Variants in INHBC observed in about 807,000 individuals in gnomAD.
INHBC encodes the protein inhibin subunit beta C.
A neutral mutation model predicts 12.4 loss-of-function variants in INHBC; 10 were observed. The ratio of observed to expected loss-of-function variants is 0.81; its 90% CI spans 0.50 to 1.37. INHBC has a LOEUF of 1.37. Among genes scored for constraint, INHBC ranks in the 40% most tolerant of loss-of-function variants. INHBC has a pLI of 0.00. For missense variants in INHBC, 382 were observed against 439.4 expected, an observed-to-expected ratio of 0.87 and a Z score of 1.17; for synonymous variants, 147 against 171.6, an observed-to-expected ratio of 0.86 and a Z score of 1.12.
chr12:57,449,140 A>C (rs1870649105), intron 1 of INHBC, 137 bp from the exon 2 acceptor site: 3 of 1,150,960 alleles, frequency 2.6e-6, no homozygotes, highest in Admixed American at 4.6e-5. Flanking sequence ...TTTCCAGCAC[A>C]TGAACTTTGG....
chr12:57,443,172 C>T (rs1195886026), intron 1 of INHBC, among the ~76,000 whole-genome samples: 21 of 118,130 alleles, frequency 1.8e-4, no homozygotes, highest in Admixed American at 1.4e-3. Context: ...TGCTGGAGTG[C>T]AGTGGTGCGA....
chr12:57,440,509 T>A (rs1870441531), intron 1 of INHBC, among the ~76,000 whole-genome samples: 1 of 152,100 alleles, frequency 6.6e-6, no homozygotes, highest in Non-Finnish European at 1.5e-5. Flanking sequence ...ATTTTCGTAT[T>A]TTTAGTAGAG....
At chr12:57,441,655 A>G (rs1436169891) in intron 1 of INHBC, among the ~76,000 whole-genome samples, 1 of 151,068 alleles carries the variant, frequency 6.6e-6, no homozygotes. Context: ...ATAGAGGCTT[A>G]AAACAACACA....
At chr12:57,441,390 T>C (rs965580985) in intron 1 of INHBC, among the ~76,000 whole-genome samples, 33 of 135,120 alleles carry the variant, frequency 2.4e-4, no homozygotes, top group Non-Finnish European at 3.6e-4. Flanking sequence ...CCAGGTGTGG[T>C]GGTACATGCC....
chr12:57,447,918 TATATAA>T lies in INHBC; in HGVS notation c.314-1357_314-1352del, dbSNP rs1261285649. ...ATATATATATATATATATATATATA[TATATAA>T]AATATATGTGTGTGTGCTTGTGTTT... On this transcript the variant is annotated intron_variant, in intron 1 of 1. Coordinates refer to ENST00000309668, the MANE Select transcript of INHBC (RefSeq NM_005538.4). Among the ~76,000 whole-genome samples the T allele has an allele frequency of 4.4e-3, 430 of 97,770 alleles. 3 individuals are homozygous for T. The highest frequency in any genetic ancestry group is 5.8e-3 in the Non-Finnish European group (289 of 50,010). 64.1% of individuals were successfully genotyped at this position (97,770 alleles called of 152,430 possible).
chr12:57,440,628 G>C (rs950600034), intron 1 of INHBC, among the ~76,000 whole-genome samples: 8 of 152,050 alleles, frequency 5.3e-5, no homozygotes, highest in Admixed American at 5.3e-4. Flanking sequence ...ACCGCACCCA[G>C]CCACAGTTCC....
At chr12:57,446,480 ATT>A (rs1870581091) in intron 1 of INHBC, among the ~76,000 whole-genome samples, 1 of 148,610 alleles carries the variant, frequency 6.7e-6, no homozygotes, top group Non-Finnish European at 1.5e-5. Flanking sequence ...TTATTTATTT[ATT>A]TATTTATTTA....
intron 1 of INHBC, among the ~76,000 whole-genome samples, chr12:57,443,199 C>T (rs1365567484): frequency 7.5e-6 from 1 of 133,808 alleles, no homozygotes; most frequent in Non-Finnish European, 1.5e-5. Flanking sequence ...CTCACTGCAA[C>T]CTCTGCCTCC....
At chr12:57,436,372 C>T (rs1198803326) in intron 1 of INHBC, among the ~76,000 whole-genome samples, 4 of 151,162 alleles carry the variant, frequency 2.6e-5, no homozygotes, top group Admixed American at 6.6e-5. Flanking sequence ...ACTATGTTGG[C>T]CACGCTGGTC....
In INHBC at chr12:57,451,902, G is replaced by A. The variant is rs1870719832; in HGVS notation, c.*1880G>A. On this transcript the variant is annotated 3_prime_UTR_variant, in exon 2 of 2. Coordinates refer to ENST00000309668, the MANE Select transcript of INHBC (RefSeq NM_005538.4). Reference sequence around the variant, plus strand: ...AGGGCTAGGACTGGGGTAAAGCAAAGTGAGTCATTCACCTGGGGGGGCTAA... The same window carrying A: ...AGGGCTAGGACTGGGGTAAAGCAAAATGAGTCATTCACCTGGGGGGGCTAA... 1 of 453,358 alleles carries A rather than the reference G, an allele frequency of 2.2e-6. No homozygotes were observed. The highest frequency in any genetic ancestry group is 2.0e-5 in the African/African-American group (1 of 49,950). 28.1% of individuals were successfully genotyped at this position (453,358 alleles called of 1,614,324 possible).
At chr12:57,441,211 A>G (rs969048810) in intron 1 of INHBC, among the ~76,000 whole-genome samples, 2 of 152,104 alleles carry the variant, frequency 1.3e-5, no homozygotes, top group Non-Finnish European at 2.9e-5. Context: ...AAAATTAGCC[A>G]GGTGTGGTGG....
intron 1 of INHBC, among the ~76,000 whole-genome samples, chr12:57,445,136 T>C (rs1441170786): frequency 6.6e-6 from 1 of 152,220 alleles, no homozygotes; most frequent in Non-Finnish European, 1.5e-5. Flanking sequence ...GAGATAGCTT[T>C]ATGTTTGGTG....
rs1298585564 is a variant in INHBC, at chr12:57,450,349, A to T, written c.*327A>T. 4.6e-6 allele frequency: 1 copy of T among 215,118 alleles called. No homozygotes were observed. The highest frequency in any genetic ancestry group is 5.7e-5 in the Admixed American group (1 of 17,482). The allele number at this position is 215,118 out of a possible 1,614,324, so 13.3% of individuals were successfully genotyped here. A position where few individuals can be genotyped will look rare whatever the true frequency, so the allele number is the denominator to read the frequency against. On this transcript the variant is annotated 3_prime_UTR_variant, in exon 2 of 2. Coordinates refer to ENST00000309668, the MANE Select transcript of INHBC (RefSeq NM_005538.4). ...TCCCAGGCAAAGACACCCTTAGCTC[A>T]CCTTTAATAGACCCCATAACCCACT...
At position 57,450,867 on chromosome 12, in the gene INHBC, C is replaced by T. The variant is rs897363754; in HGVS notation, c.*845C>T. The T allele has an allele frequency of 4.6e-5, 7 of 152,266 alleles. No homozygotes were observed. The highest frequency in any genetic ancestry group is 1.0e-4 in the Non-Finnish European group (7 of 68,090). The allele number at this position is 152,266 out of a possible 1,614,324, so 9.4% of individuals were successfully genotyped here. A position where few individuals can be genotyped will look rare whatever the true frequency, so the allele number is the denominator to read the frequency against. ...CTAGGGGGTCCTAAAGGCTTTCTATCTTGCTAGTCCCTGGGGCCTCAACAT... is the reference window on the plus strand; with the variant it reads ...CTAGGGGGTCCTAAAGGCTTTCTATTTTGCTAGTCCCTGGGGCCTCAACAT... On this transcript the variant is annotated 3_prime_UTR_variant, in exon 2 of 2. Coordinates refer to ENST00000309668, the MANE Select transcript of INHBC (RefSeq NM_005538.4).
Position 57,434,871 on chromosome 12 carries a change from A to G in INHBC, c.-16A>G, listed in dbSNP as rs1275062856. 4 of 1,597,584 alleles carry G rather than the reference A, an allele frequency of 2.5e-6. No individual in the cohort carries two copies. The South Asian group carries it at 4.5e-5, about 18-fold the overall frequency. On this transcript the variant is annotated 5_prime_UTR_variant, in exon 1 of 2. Transcript: ENST00000309668. Reference sequence around the variant, plus strand: ...AGCCCTGAGTCTGTATTGCTCAAGAAGGGCCTTCCCCAGCAATGACCTCCT... The same window carrying G: ...AGCCCTGAGTCTGTATTGCTCAAGAGGGGCCTTCCCCAGCAATGACCTCCT...
Position 57,449,620 on chromosome 12 carries a change from T to C in INHBC, c.657T>C (p.Pro219=). ...SVILGGAAHR[P]FVAARVRVGG... The stretch of plus-strand genomic sequence containing the variant: ...TCCTGGGTGGAGCTGCCCATAGGCC[T>C]TTTGTGGCAGCCCGGGTGAGAGTTG... The change falls in exon 2 of 2, where the codon CCT becomes CCC. Residue 219 remains proline, a synonymous_variant. Transcript: ENST00000309668. 6.2e-7 allele frequency: 1 copy of C among 1,614,218 alleles called. No homozygotes were observed. The highest frequency in any genetic ancestry group is 1.1e-5 in the South Asian group (1 of 91,088).
chr12:57,449,304 T>C lies in INHBC; in HGVS notation c.341T>C (p.Leu114Pro), dbSNP rs543094737. 1 of 1,614,086 alleles carries C rather than the reference T, an allele frequency of 6.2e-7. No individual in the cohort carries two copies. Among genetic ancestry groups the C allele is most frequent in the East Asian group, 2.2e-5 (1 of 44,892 alleles). ...CTCTCCACCATCAACCAGACTCGTCTTGATTTTCACTTCTCCTCTGATAGA... is the reference window on the plus strand; with the variant it reads ...CTCTCCACCATCAACCAGACTCGTCCTGATTTTCACTTCTCCTCTGATAGA... ...TGLSTINQTR[L>P]DFHFSSDRTA... Residue 114 changes from leucine to proline, a missense_variant, in exon 2 of 2, where the codon CTT becomes CCT. By Grantham distance (98) the Leu-to-Pro change is moderately conservative. Coordinates refer to ENST00000309668, the MANE Select transcript of INHBC (RefSeq NM_005538.4).
Position 57,451,764 on chromosome 12 carries a change from T to C in INHBC, c.*1742T>C. The C allele has an allele frequency of 2.3e-6, 1 of 441,832 alleles. No individual in the cohort carries two copies. The highest frequency in any genetic ancestry group is 4.5e-6 in the Non-Finnish European group (1 of 219,974). 27.4% of individuals were successfully genotyped at this position (441,832 alleles called of 1,614,324 possible). A position where few individuals can be genotyped will look rare whatever the true frequency, so the allele number is the denominator to read the frequency against. ...AGCAACCCATGGAAGTTATCCCACC[T>C]TTGACTTGAGGAGACCTTCATCTAA... On this transcript the variant is annotated 3_prime_UTR_variant, in exon 2 of 2. Transcript: ENST00000309668.
rs1416550368 is a variant in INHBC, at chr12:57,435,089, C to T, written c.203C>T (p.Ser68Phe). ...TQRPTLNRPV[S>F]RAALRTALQH... ...CGCCCAACACTGAACCGCCCTGTGT[C>T]CAGAGCTGCTTTGAGGACTGCACTG... is the stretch of plus-strand genomic sequence containing the variant. Residue 68 changes from serine to phenylalanine, a missense_variant, in exon 1 of 2, where the codon TCC (serine) becomes TTC (phenylalanine). Physicochemically the swap from Ser to Phe is radical, Grantham distance 155 (BLOSUM62 -2). Transcript: ENST00000309668. 6.2e-7 allele frequency: 1 copy of T among 1,614,066 alleles called. No homozygotes were observed. Among genetic ancestry groups the T allele is most frequent in the African/African-American group, 1.3e-5 (1 of 74,922 alleles).
Sources: gnomAD v4.1 joint callset for allele counts (sites outside exome capture counted in the v4.1 genomes callset) on GRCh38, gnomAD v4.1.1 for gene constraint, MANE v1.5 for transcripts, NCBI Gene and HGNC (gene_info 2026-07-23, HGNC 2026-07-21) for gene names.